Variants in DIAPH2 observed in about 807,000 individuals in gnomAD.
DIAPH2 encodes diaphanous related formin 2.
Under a neutral mutation model 92.7 loss-of-function variants are expected in DIAPH2, and 35 were observed. The observed-to-expected ratio is 0.38, with a 90% CI of 0.29 to 0.50. DIAPH2 has a LOEUF of 0.50. Among genes scored for constraint, DIAPH2 ranks in the 20% least tolerant of loss-of-function variants. DIAPH2 has a pLI of 0.94. For synonymous variants in DIAPH2, 301 were observed against 280.4 expected (o/e 1.07, Z -0.73); for missense variants, 701 against 819.5 (o/e 0.86, Z 1.77).
intron 25 of DIAPH2, among the ~76,000 whole-genome samples, chrX:97,422,812 G>A (rs1386959575): frequency 3.6e-5 from 4 of 111,878 alleles, no homozygotes; most frequent in East Asian, 2.8e-4. Flanking sequence ...TGATAAAAAG[G>A]AAGGAGAGCA....
At chrX:97,589,558 G>T (rs1335890443) in intron 26 of DIAPH2, among the ~76,000 whole-genome samples, 1 of 110,798 alleles carries the variant, frequency 9.0e-6, no homozygotes, top group Non-Finnish European at 1.9e-5. Context: ...CCCAATGTTT[G>T]TAGGTTCCCT....
intron 23 of DIAPH2, among the ~76,000 whole-genome samples, chrX:97,283,450 T>A (rs1369350146): frequency 1.8e-5 from 2 of 111,865 alleles, no homozygotes; most frequent in African/African-American, 3.2e-5. Context: ...AAATGCAGAC[T>A]TTCAGAGAGA....
intron 24 of DIAPH2, among the ~76,000 whole-genome samples, chrX:97,378,302 G>T: frequency 9.2e-6 from 1 of 108,927 alleles, no homozygotes; most frequent in Non-Finnish European, 1.9e-5. Flanking sequence ...AGAATCGCTT[G>T]AACCCAGGAG....
chrX:96,756,631 C>T (rs1361754034), intron 3 of DIAPH2, among the ~76,000 whole-genome samples: 1 of 111,370 alleles, frequency 9.0e-6, no homozygotes, highest in African/African-American at 3.3e-5. Flanking sequence ...TTTCATTTTG[C>T]TTAGGTATGT....
chrX:97,158,438 C>G (rs1602381792), intron 22 of DIAPH2, among the ~76,000 whole-genome samples: 1 of 111,758 alleles, frequency 8.9e-6, no homozygotes, highest in African/African-American at 3.3e-5. Flanking sequence ...CGGCAGTGTT[C>G]TCTTCAACAG....
At chrX:96,757,987 A>C (rs2064242471) in intron 3 of DIAPH2, among the ~76,000 whole-genome samples, 167 bp from the exon 4 acceptor site, 1 of 112,092 alleles carries the variant, frequency 8.9e-6, no homozygotes, top group Non-Finnish European at 1.9e-5. Context: ...AAACTGTGGT[A>C]TCTAGAGTGA....
chrX:97,185,411 G>GTATATATATGTATATATATATGTGTA lies in DIAPH2; in HGVS notation c.2719+43626_2719+43627insGTATATATATATGTGTATATATATAT, dbSNP rs1569323163. 1.8e-3 allele frequency among the ~76,000 whole-genome samples: 49 copies of GTATATATATGTATATATATATGTGTA among 26,644 alleles called. 5 individuals carry two copies. Among genetic ancestry groups the GTATATATATGTATATATATATGTGTA allele is most frequent in the Middle Eastern group, 0.047 (2 of 43 alleles). 23.1% of individuals were successfully genotyped at this position (26,644 alleles called of 115,157 possible). A position where few individuals can be genotyped will look rare whatever the true frequency, so the allele number is the denominator to read the frequency against. On this transcript the variant is annotated intron_variant, in intron 22 of 26. Transcript: ENST00000324765. The stretch of plus-strand genomic sequence containing the variant: ...TATATATGTGTATATATATATATAT[G>GTATATATATGTATATATATATGTGTA]TATATATATATGTATATATATATGT...
chrX:97,311,989 G>C (rs1024408720), intron 23 of DIAPH2, among the ~76,000 whole-genome samples: 1 of 110,084 alleles, frequency 9.1e-6, no homozygotes, highest in African/African-American at 3.3e-5. Context: ...CACCAAGCCC[G>C]GCTAGTTTTT....
chrX:96,990,357 A>G (rs1399736922), intron 17 of DIAPH2, among the ~76,000 whole-genome samples: 1 of 111,791 alleles, frequency 8.9e-6, no homozygotes, highest in African/African-American at 3.3e-5. Flanking sequence ...CACGGGTTCT[A>G]CTTGTCAAGC....
At chrX:97,452,327 C>T (rs12859009) in intron 26 of DIAPH2, among the ~76,000 whole-genome samples, 46,157 of 110,310 alleles carry the variant, frequency 0.42, 8,148 homozygotes, top group Non-Finnish European at 0.56. Flanking sequence ...GCCATCATAG[C>T]TCTATTAGAG....
chrX:97,160,433 G>A (rs2067360400), intron 22 of DIAPH2, among the ~76,000 whole-genome samples: 1 of 112,230 alleles, frequency 8.9e-6, no homozygotes, highest in South Asian at 3.7e-4. Flanking sequence ...GATTGCTGCT[G>A]CAAACCTAGT....
chrX:97,117,084 G>A (rs1007020950), intron 21 of DIAPH2, among the ~76,000 whole-genome samples: 12 of 111,435 alleles, frequency 1.1e-4, no homozygotes, highest in African/African-American at 3.9e-4. Flanking sequence ...TGAAAGAAGT[G>A]AAGGTTTTAA....
At chrX:97,321,913 T>C (rs2068901744) in intron 23 of DIAPH2, among the ~76,000 whole-genome samples, 1 of 112,253 alleles carries the variant, frequency 8.9e-6, no homozygotes, top group Non-Finnish European at 1.9e-5. Context: ...TGGCTGAGAA[T>C]CATCTTAGAA....
chrX:97,458,266 G>T (rs186246603), intron 26 of DIAPH2, among the ~76,000 whole-genome samples: 1,195 of 104,840 alleles, frequency 0.011, 8 homozygotes, highest in South Asian at 0.048. Flanking sequence ...ATTTTCAGGG[G>T]TTTTTTTTCC....
At chrX:97,332,273 G>T (rs1405480915) in intron 23 of DIAPH2, among the ~76,000 whole-genome samples, 1 of 111,766 alleles carries the variant, frequency 8.9e-6, no homozygotes, top group Non-Finnish European at 1.9e-5. Context: ...GCTTTATTTT[G>T]TATCTGCTGT....
At chrX:97,368,281 C>G (rs960330635) in intron 24 of DIAPH2, among the ~76,000 whole-genome samples, 1 of 111,970 alleles carries the variant, frequency 8.9e-6, no homozygotes, top group Non-Finnish European at 1.9e-5. Context: ...CACTTCATGT[C>G]TATGGATATA....
intron 26 of DIAPH2, among the ~76,000 whole-genome samples, chrX:97,466,207 G>A (rs1411772835): frequency 9.0e-6 from 1 of 111,712 alleles, no homozygotes; most frequent in African/African-American, 3.3e-5. Context: ...AAGGCTGTGA[G>A]GCCTACTGTA....
intron 26 of DIAPH2, among the ~76,000 whole-genome samples, chrX:97,519,774 C>T (rs916001080): frequency 3.6e-5 from 4 of 110,698 alleles, no homozygotes; most frequent in Non-Finnish European, 5.7e-5. Flanking sequence ...CTCTGTCACC[C>T]AGGCTGGAGT....
rs150360194 is a variant in DIAPH2, at chrX:96,735,704, G to A, written c.133-54G>A. The A allele has an allele frequency of 9.1e-4, 578 of 636,558 alleles. 5 individuals carry two copies. In the East Asian group the frequency reaches 0.019, roughly 21 times the overall value. 52.5% of individuals were successfully genotyped at this position (636,558 alleles called of 1,213,427 possible). ...TAAATTATTTTATTGTTTGATCTAT[G>A]AGTTTCTCTTATCTGATGGGTTTTT... is the stretch of plus-strand genomic sequence containing the variant. On this transcript the variant is annotated intron_variant, in intron 1 of 26. Coordinates refer to ENST00000324765, the MANE Select transcript of DIAPH2 (RefSeq NM_006729.5).
Sources: allele counts gnomAD v4.1 joint callset (sites outside exome capture counted in the v4.1 genomes callset), GRCh38; gene constraint gnomAD v4.1.1; transcripts MANE v1.5; gene names NCBI Gene and HGNC (gene_info 2026-07-23, HGNC 2026-07-21).